MOV10L1: variants seen among roughly 807,000 people sequenced by gnomAD.
MOV10L1 encodes the protein RNA helicase Mov10l1.
Under a neutral mutation model 143.8 loss-of-function variants are expected in MOV10L1, and 110 were observed. The ratio of observed to expected loss-of-function variants is 0.76; its 90% CI spans 0.66 to 0.90. The LOEUF is 0.90. MOV10L1 is among the 40% of genes least tolerant of loss of function. The pLI, the probability that MOV10L1 is intolerant of heterozygous loss-of-function variation, is 0.00. For synonymous variants in MOV10L1, 593 were observed against 581.1 expected (o/e 1.02, Z -0.29); for missense variants, 1,406 against 1,526.8 (o/e 0.92, Z 1.32).
chr22:50,128,341 T>G, intron 12 of MOV10L1, 75 bp from the exon 13 acceptor site: 1 of 861,744 alleles, frequency 1.2e-6, no homozygotes, highest in Non-Finnish European at 1.9e-6. Context: ...TAGAATGAAT[T>G]TTTGATGATG....
intron 8 of MOV10L1, among the ~76,000 whole-genome samples, chr22:50,116,193 CTT>C (rs111406730): frequency 4.4e-4 from 61 of 139,610 alleles, no homozygotes; most frequent in Non-Finnish European, 4.4e-4. Flanking sequence ...AGCTTCAATG[CTT>C]TTTTTTTTTT....
At chr22:50,153,895 C>T (rs761440471) in intron 22 of MOV10L1, among the ~76,000 whole-genome samples, 22 of 151,858 alleles carry the variant, frequency 1.4e-4, no homozygotes, top group Non-Finnish European at 1.2e-4. Flanking sequence ...CCGGGCCACA[C>T]GGGGAACCCT....
chr22:50,156,171 A>AGT (rs943668663), intron 22 of MOV10L1, among the ~76,000 whole-genome samples: 1 of 151,660 alleles, frequency 6.6e-6, no homozygotes, highest in Admixed American at 6.6e-5. Context: ...GCTGGAGTAC[A>AGT]GTGGCATGAT....
intron 3 of MOV10L1, 43 bp from the exon 4 acceptor site, chr22:50,108,093 G>C: frequency 1.3e-6 from 2 of 1,560,524 alleles, no homozygotes; most frequent in Non-Finnish European, 1.8e-6. Context: ...AGAATAACTT[G>C]TGCACTTTAA....
chr22:50,130,402 G>T (rs1167284951), intron 13 of MOV10L1, among the ~76,000 whole-genome samples: 2 of 151,842 alleles, frequency 1.3e-5, no homozygotes, highest in Non-Finnish European at 2.9e-5. Context: ...CTGAGAAATC[G>T]GCAGTATTTG....
chr22:50,113,096 G>T (rs1170137177), intron 5 of MOV10L1, among the ~76,000 whole-genome samples: 1 of 152,212 alleles, frequency 6.6e-6, no homozygotes, highest in Non-Finnish European at 1.5e-5. Context: ...TGGAGAGGCA[G>T]GGAGGAGAAT....
At chr22:50,132,675 A>T (rs1011588001) in intron 13 of MOV10L1, among the ~76,000 whole-genome samples, 3 of 152,268 alleles carry the variant, frequency 2.0e-5, no homozygotes, top group African/African-American at 7.2e-5. Flanking sequence ...TCCTAAACTG[A>T]ATAGCTCCAG....
chr22:50,154,087 T>C (rs560138411), intron 22 of MOV10L1, among the ~76,000 whole-genome samples: 1 of 152,320 alleles, frequency 6.6e-6, no homozygotes, highest in Non-Finnish European at 1.5e-5. Context: ...ATGGGATATG[T>C]GTATGGCGGC....
At chr22:50,141,472 G>T (rs1349936101) in intron 15 of MOV10L1, among the ~76,000 whole-genome samples, 1 of 150,942 alleles carries the variant, frequency 6.6e-6, no homozygotes, top group East Asian at 1.9e-4. Flanking sequence ...GGGACCACAG[G>T]TGAGCACCAC....
chr22:50,090,981 C>G (rs2062423152), intron 1 of MOV10L1: 1 of 180,580 alleles, frequency 5.5e-6, no homozygotes, highest in Non-Finnish European at 1.3e-5. Context: ...CGACCTCTCC[C>G]GAGGTTCTGA....
intron 10 of MOV10L1, among the ~76,000 whole-genome samples, chr22:50,123,150 C>G (rs546451388): frequency 2.0e-5 from 3 of 146,796 alleles, no homozygotes; most frequent in African/African-American, 7.5e-5. Context: ...GAGCTGAGAT[C>G]GCACCATTGC....
At chr22:50,122,890 G>A (rs927611540) in intron 10 of MOV10L1, among the ~76,000 whole-genome samples, 4 of 151,808 alleles carry the variant, frequency 2.6e-5, no homozygotes, top group South Asian at 2.1e-4. Context: ...CACCATGCCC[G>A]GCTAACTTTT....
At position 50,137,814 on chromosome 22, in the gene MOV10L1, TATATAAATATACATATTTTATATATAC is replaced by T. The variant is rs1569025440; in HGVS notation, c.2070+3190_2070+3216del. On this transcript the variant is annotated intron_variant, in intron 15 of 26. Coordinates refer to ENST00000262794, the MANE Select transcript of MOV10L1 (RefSeq NM_018995.3). Reference sequence around the variant, plus strand: ...AATATACATATTTTATATATATACATATATAAATATACATATTTTATATATACATATATAAATATACATATTTTTATA... The same window carrying T: ...AATATACATATTTTATATATATACATATATATAAATATACATATTTTTATA... Among the ~76,000 whole-genome samples, 26 of 95,034 alleles carry T rather than the reference TATATAAATATACATATTTTATATATAC, an allele frequency of 2.7e-4. No individual in the cohort carries two copies. In the East Asian group the frequency reaches 6.2e-3, roughly 23 times the overall value. 62.3% of individuals were successfully genotyped at this position (95,034 alleles called of 152,430 possible).
rs138786362 is a variant in MOV10L1 at position 50,112,682 on chromosome 22, C to T, written c.744-966C>T. ...CCTCAGCTCGTGGCCCCGGGTGGGGCAGCCCCTCTGCACTCTAGAAACAGA... is the reference window on the plus strand; with the variant it reads ...CCTCAGCTCGTGGCCCCGGGTGGGGTAGCCCCTCTGCACTCTAGAAACAGA... On this transcript the variant is annotated intron_variant, in intron 5 of 26. Transcript: ENST00000262794. 1.2e-3 allele frequency among the ~76,000 whole-genome samples: 186 copies of T among 152,356 alleles called. 1 individual carries two copies. Among genetic ancestry groups the T allele is most frequent in the African/African-American group, 4.4e-3 (182 of 41,574 alleles).
chr22:50,126,192 T>TC lies in MOV10L1; in HGVS notation c.1748-10_1748-9insC. 1.3e-6 allele frequency: 2 copies of TC among 1,580,748 alleles called. No homozygotes were observed. Among genetic ancestry groups the TC allele is most frequent in the Non-Finnish European group, 8.7e-7 (1 of 1,150,058 alleles). The stretch of plus-strand genomic sequence containing the variant: ...TTAGCTTTAAACATGGTAATATATT[T>TC]TTTAACTAGGTGATAAACTGATTTT... On this transcript the variant is annotated splice_polypyrimidine_tract_variant and intron_variant, in intron 11 of 26. Transcript: ENST00000262794.
chr22:50,140,090 C>G (rs1284653072), intron 15 of MOV10L1, among the ~76,000 whole-genome samples: 1 of 152,186 alleles, frequency 6.6e-6, no homozygotes, highest in East Asian at 1.9e-4. Context: ...TGTCCGTGAG[C>G]AGGTGAATGG....
chr22:50,142,374 C>A (rs2063013688), intron 16 of MOV10L1, among the ~76,000 whole-genome samples, 185 bp downstream of exon 16: 1 of 152,172 alleles, frequency 6.6e-6, no homozygotes, highest in African/African-American at 2.4e-5. Context: ...TTTAAGAAGA[C>A]TTTTAGATTC....
intron 20 of MOV10L1, 43 bp from the exon 21 acceptor site, chr22:50,150,692 G>A (rs117743785): frequency 0.04 from 63,219 of 1,599,186 alleles, 1,692 homozygotes; most frequent in South Asian, 0.11. Context: ...GAGTGGCAGC[G>A]GCACCCTCCC....
In MOV10L1 at chr22:50,158,561, G is replaced by A. The variant is rs374976261; in HGVS notation, c.3216+355G>A. ...CACTTTGGGTATATTTGAATGGGACGCTTCTCATTTCGTATGACTCTGTGA... is the reference window on the plus strand; with the variant it reads ...CACTTTGGGTATATTTGAATGGGACACTTCTCATTTCGTATGACTCTGTGA... On this transcript the variant is annotated intron_variant, in intron 23 of 26. Coordinates refer to ENST00000262794, the MANE Select transcript of MOV10L1 (RefSeq NM_018995.3). The surrounding 1 kb of genome is among the most constrained non-coding windows in gnomAD (Gnocchi z 5.0). The A allele has an allele frequency of 2.5e-5, 6 of 235,942 alleles. No homozygotes were observed. Among genetic ancestry groups the A allele is most frequent in the South Asian group, 1.9e-4 (3 of 15,434 alleles). The allele number at this position is 235,942 out of a possible 1,614,324, so 14.6% of individuals were successfully genotyped here.
Sources: allele counts gnomAD v4.1 joint callset (sites outside exome capture counted in the v4.1 genomes callset), GRCh38; gene constraint gnomAD v4.1.1; non-coding constraint Gnocchi (gnomAD v3.1); transcripts MANE v1.5; gene names NCBI Gene and HGNC (gene_info 2026-07-23, HGNC 2026-07-21).